GTF2E1: variants seen among roughly 807,000 people sequenced by gnomAD.
The protein encoded by GTF2E1 is TFIIE alpha subunit.
Under a neutral mutation model 34.9 loss-of-function variants are expected in GTF2E1, and 14 were observed. That is an observed-to-expected ratio of 0.40 (90% CI 0.27 to 0.63). The LOEUF (loss-of-function observed/expected upper bound fraction) is 0.63, where lower values mean the gene tolerates loss of function less well. GTF2E1 is among the 20% of genes least tolerant of loss of function. The pLI, the probability that GTF2E1 is intolerant of heterozygous loss-of-function variation, is 0.39. For synonymous variants in GTF2E1, 188 were observed against 192.9 expected (o/e 0.97, Z 0.21); for missense variants, 469 against 557.7 (o/e 0.84, Z 1.60).
At chr3:120,757,206 C>T (rs1343386818) in intron 2 of GTF2E1, among the ~76,000 whole-genome samples, 1 of 152,124 alleles carries the variant, frequency 6.6e-6, no homozygotes, top group Non-Finnish European at 1.5e-5. Context: ...TTGTTTTCTG[C>T]CCTTCTTCCC....
intron 3 of GTF2E1, among the ~76,000 whole-genome samples, chr3:120,771,744 G>A (rs1242441961): frequency 6.6e-6 from 1 of 152,096 alleles, no homozygotes; most frequent in Non-Finnish European, 1.5e-5. Context: ...AGTAAATTGG[G>A]CTCCTTTTAG....
chr3:120,772,126 C>G (rs2107612068), intron 3 of GTF2E1, among the ~76,000 whole-genome samples: 1 of 152,188 alleles, frequency 6.6e-6, no homozygotes, highest in East Asian at 1.9e-4. Context: ...ATGACAATGT[C>G]CAAATGCAGA....
intron 2 of GTF2E1, among the ~76,000 whole-genome samples, chr3:120,769,489 T>A (rs1421315749): frequency 6.6e-6 from 1 of 152,094 alleles, no homozygotes; most frequent in Non-Finnish European, 1.5e-5. Flanking sequence ...TTCCTTTGGA[T>A]TGGATGCTGT....
intron 2 of GTF2E1, among the ~76,000 whole-genome samples, chr3:120,766,926 A>C (rs1709314683): frequency 6.6e-6 from 1 of 152,140 alleles, no homozygotes. Flanking sequence ...CATTTTTACA[A>C]TGCGTAGTGA....
At chr3:120,767,668 G>A (rs779708015) in intron 2 of GTF2E1, among the ~76,000 whole-genome samples, 1 of 152,124 alleles carries the variant, frequency 6.6e-6, no homozygotes, top group Non-Finnish European at 1.5e-5. Context: ...CATGAAACTG[G>A]CAGAATAACT....
Position 120,776,460 on chromosome 3 carries a change from C to G in GTF2E1, c.688C>G (p.Leu230Val). Residue 230 changes from leucine (L) to valine (V), a missense_variant, in exon 4 of 5, where the codon CTA becomes GTA. Transcript: ENST00000283875. ...AGCAACTACTGCTGGAGCTGCTAGC[C>G]TAGCAGGTGGGCACCACCGGGAAGC... ...HAATTAGAASLAGGHHREAWA... is the reference protein window; with the variant it reads ...HAATTAGAASVAGGHHREAWA... The G allele has an allele frequency of 6.2e-7, 1 of 1,613,516 alleles. No homozygotes were observed. The highest frequency in any genetic ancestry group is 1.7e-5 in the Admixed American group (1 of 59,986).
At chr3:120,778,947 T>A (rs1709424640) in intron 4 of GTF2E1, among the ~76,000 whole-genome samples, 1 of 152,186 alleles carries the variant, frequency 6.6e-6, no homozygotes, top group Admixed American at 6.5e-5. Flanking sequence ...TTCCTATATT[T>A]TTTTGCTGCA....
chr3:120,746,575 G>A (rs1709107033), intron 1 of GTF2E1, among the ~76,000 whole-genome samples: 1 of 152,094 alleles, frequency 6.6e-6, no homozygotes, highest in Non-Finnish European at 1.5e-5. Context: ...AAGGTAGGTG[G>A]ATCCCTTGAG....
At chr3:120,768,279 G>A (rs1709325300) in intron 2 of GTF2E1, among the ~76,000 whole-genome samples, 1 of 152,166 alleles carries the variant, frequency 6.6e-6, no homozygotes, top group Admixed American at 6.6e-5. Flanking sequence ...ACTGAAGTAA[G>A]TTTGGAGATG....
chr3:120,745,209 C>T (rs1709095058), intron 1 of GTF2E1, among the ~76,000 whole-genome samples: 1 of 152,128 alleles, frequency 6.6e-6, no homozygotes, highest in Admixed American at 6.5e-5. Context: ...CTGCACTTGG[C>T]TTAATCACTT....
Position 120,782,732 on chromosome 3 carries a change from T to C in GTF2E1, c.*1262T>C, listed in dbSNP as rs1342136374. ...TCACTCTCCCTCTTTCTAAACATCA[T>C]TGAAGGCTGTCTCTCTTTTAATTTT... On this transcript the variant is annotated 3_prime_UTR_variant, in exon 5 of 5. Transcript: ENST00000283875. The C allele has an allele frequency of 6.6e-6, 1 of 152,206 alleles. No individual in the cohort carries two copies. The highest frequency in any genetic ancestry group is 2.4e-5 in the African/African-American group (1 of 41,458). 9.4% of individuals were successfully genotyped at this position (152,206 alleles called of 1,614,324 possible). A position where few individuals can be genotyped will look rare whatever the true frequency, so the allele number is the denominator to read the frequency against.
chr3:120,779,556 G>A lies in GTF2E1; in HGVS notation c.893-1487G>A, dbSNP rs1387657695. 2.6e-5 allele frequency among the ~76,000 whole-genome samples: 4 copies of A among 152,118 alleles called. No homozygotes were observed. The East Asian group carries it at 7.7e-4, about 29-fold the overall frequency. ...CTTATCTGCTCAGTATCTCATTTTA[G>A]GAGTTCTGTGCCTTCTAAAATGTCC... On this transcript the variant is annotated intron_variant, in intron 4 of 4. Coordinates refer to ENST00000283875, the MANE Select transcript of GTF2E1 (RefSeq NM_005513.3).
chr3:120,757,584 C>T (rs1336305095), intron 2 of GTF2E1, among the ~76,000 whole-genome samples: 2 of 152,040 alleles, frequency 1.3e-5, no homozygotes, highest in African/African-American at 4.8e-5. Context: ...ATAGCAACTC[C>T]TTTTTCTATA....
intron 3 of GTF2E1, among the ~76,000 whole-genome samples, chr3:120,772,653 G>A (rs1409025665): frequency 6.6e-6 from 1 of 152,128 alleles, no homozygotes; most frequent in Admixed American, 6.6e-5. Context: ...TCATGTTGAA[G>A]TATGCGTCAG....
chr3:120,766,461 CTG>C lies in GTF2E1; in HGVS notation c.449-4265_449-4264del, dbSNP rs575934090. Among the ~76,000 whole-genome samples, 430 of 152,178 alleles carry C rather than the reference CTG, an allele frequency of 2.8e-3. 1 individual carries two copies. Among genetic ancestry groups the C allele is most frequent in the Non-Finnish European group, 5.5e-3 (374 of 68,010 alleles). ...GTCACCCCAGTTTATCTTGTTAAGT[CTG>C]TTTTTTATCATTCTTTTTGATAACT... On this transcript the variant is annotated intron_variant, in intron 2 of 4. Transcript: ENST00000283875.
chr3:120,750,598 C>G lies in GTF2E1; in HGVS notation c.46C>G (p.Arg16Gly). 2 of 1,613,750 alleles carry G rather than the reference C, an allele frequency of 1.2e-6. No individual in the cohort carries two copies. The highest frequency in any genetic ancestry group is 1.7e-6 in the Non-Finnish European group (2 of 1,179,766). Residue 16 changes from arginine (R) to glycine (G), a missense_variant, in exon 2 of 5, where the codon CGG becomes GGG. Physicochemically the swap from Arg to Gly is moderately radical, Grantham distance 125. Coordinates refer to ENST00000283875, the MANE Select transcript of GTF2E1 (RefSeq NM_005513.3). ...CACTGAAGTTCCAGCAGCATTGAAG[C>G]GGTTAGCCAAGTATGTGATCCGGGG... is the stretch of plus-strand genomic sequence containing the variant. ...VLTEVPAALK[R>G]LAKYVIRGFY...
chr3:120,767,497 C>T (rs1709319608), intron 2 of GTF2E1, among the ~76,000 whole-genome samples: 2 of 152,174 alleles, frequency 1.3e-5, no homozygotes, highest in South Asian at 2.1e-4. Flanking sequence ...TCCTGTAACA[C>T]AACCCATTGC....
chr3:120,742,805 T>G lies in GTF2E1; in HGVS notation c.-31+11T>G. The G allele has an allele frequency of 2.2e-6, 1 of 450,498 alleles. No homozygotes were observed. 27.9% of individuals were successfully genotyped at this position (450,498 alleles called of 1,614,324 possible). ...CCAGGATTCGCCTTGGTAAACCTTG[T>G]TCCCTGTTCCTTGTTCGGAGTTCCC... On this transcript the variant is annotated intron_variant, in intron 1 of 4. Coordinates refer to ENST00000283875, the MANE Select transcript of GTF2E1 (RefSeq NM_005513.3).
rs555679248 is a variant in GTF2E1, at chr3:120,757,706, T to G, written c.448+6706T>G. On this transcript the variant is annotated intron_variant, in intron 2 of 4. Transcript: ENST00000283875. The stretch of plus-strand genomic sequence containing the variant: ...TTCAAAATTACATTTTAATAGATAT[T>G]CCCCCGAACATTATGAGTTATAAAA... Among the ~76,000 whole-genome samples the G allele has an allele frequency of 8.5e-5, 13 of 152,248 alleles. No homozygotes were observed. The South Asian group carries it at 2.7e-3, about 32-fold the overall frequency.
Sources: allele counts gnomAD v4.1 joint callset (sites outside exome capture counted in the v4.1 genomes callset), GRCh38; gene constraint gnomAD v4.1.1; transcripts MANE v1.5; gene names NCBI Gene and HGNC (gene_info 2026-07-23, HGNC 2026-07-21).